Variants in SCUBE1 observed in about 807,000 individuals in gnomAD.
SCUBE1 encodes signal peptide, CUB and EGF-like domain-containing protein 1.
Under a neutral mutation model 124.4 loss-of-function variants are expected in SCUBE1, and 59 were observed. The observed-to-expected ratio is 0.47, with a 90% CI of 0.38 to 0.59. SCUBE1 has a LOEUF of 0.59. Among genes scored for constraint, SCUBE1 ranks in the 20% least tolerant of loss-of-function variants. The probability of loss-of-function intolerance (pLI) is 0.00; values close to 1 mark genes in which losing one functional copy is unlikely to be tolerated. For missense variants in SCUBE1, 1,150 were observed against 1,371.2 expected (o/e 0.84, Z 2.55); for synonymous variants, 545 against 550.9 (o/e 0.99, Z 0.15).
Position 43,231,809 on chromosome 22 carries a change from A to G in SCUBE1, c.911T>C (p.Phe304Ser). Residue 304 changes from phenylalanine to serine, a missense_variant, in exon 8 of 22, where the codon TTC (phenylalanine) becomes TCC (serine). By Grantham distance (155) the Phe-to-Ser change is radical. Transcript: ENST00000360835. ...GTAGCCCTTCCGGCAGCCGCACTCGAAGCTGCCCACGGTGTTGCGGCAGAA... is the reference window on the plus strand; with the variant it reads ...GTAGCCCTTCCGGCAGCCGCACTCGGAGCTGCCCACGGTGTTGCGGCAGAA... ...DHFCRNTVGS[F>S]ECGCRKGYKL... The G allele has an allele frequency of 6.2e-7, 1 of 1,613,100 alleles. No homozygotes were observed. The highest frequency in any genetic ancestry group is 8.5e-7 in the Non-Finnish European group (1 of 1,179,756).
In SCUBE1 at chr22:43,339,091, G is replaced by A. The variant is rs552726975; in HGVS notation, c.220+13C>T. 8.7e-6 allele frequency: 14 copies of A among 1,613,148 alleles called. No homozygotes were observed. The highest frequency in any genetic ancestry group is 1.7e-4 in the Middle Eastern group (1 of 6,056). ...GCCTCAGGGTCTGCCCGGGAGGGCCGGGCTGGACTCACCTTCACACTGCTT... is the reference window on the plus strand; with the variant it reads ...GCCTCAGGGTCTGCCCGGGAGGGCCAGGCTGGACTCACCTTCACACTGCTT... On this transcript the variant is annotated intron_variant, in intron 2 of 21. Transcript: ENST00000360835.
chr22:43,250,462 C>T (rs1201575993), intron 6 of SCUBE1, among the ~76,000 whole-genome samples: 18 of 152,246 alleles, frequency 1.2e-4, no homozygotes. Context: ...GGGCAGTGTT[C>T]CTCTTTGCTC....
In SCUBE1 at chr22:43,281,558, C is replaced by CCTTCTCAGCCACCCTCCTGTCATCT. The variant is rs1569011128; in HGVS notation, c.484+9487_484+9488insAGATGACAGGAGGGTGGCTGAGAAG. On this transcript the variant is annotated intron_variant, in intron 4 of 21. Coordinates refer to ENST00000360835, the MANE Select transcript of SCUBE1 (RefSeq NM_173050.5). ...CCCTCAGTCACCCTCCTGTCACCTCCCCCTCAGCCACCCTCCTGTCACCTC... is the reference window on the plus strand; with the variant it reads ...CCCTCAGTCACCCTCCTGTCACCTCCCTTCTCAGCCACCCTCCTGTCATCTCCCTCAGCCACCCTCCTGTCACCTC... Among the ~76,000 whole-genome samples, 12 of 127,852 alleles carry CCTTCTCAGCCACCCTCCTGTCATCT rather than the reference C, an allele frequency of 9.4e-5. 1 individual carries two copies. The highest frequency in any genetic ancestry group is 2.4e-4 in the African/African-American group (8 of 33,256). The allele number at this position is 127,852 out of a possible 152,430, so 83.9% of individuals were successfully genotyped here.
At chr22:43,288,419 C>T (rs1427044075) in intron 4 of SCUBE1, among the ~76,000 whole-genome samples, 1 of 152,194 alleles carries the variant, frequency 6.6e-6, no homozygotes, top group African/African-American at 2.4e-5. Context: ...CCCACAGCTG[C>T]CCTCCACCCA....
At chr22:43,206,472 G>T (rs1265573258) in intron 21 of SCUBE1, among the ~76,000 whole-genome samples, 1 of 152,134 alleles carries the variant, frequency 6.6e-6, no homozygotes, top group African/African-American at 2.4e-5. Flanking sequence ...GTGGGGGCAG[G>T]GACTAAATAT....
At chr22:43,243,348 A>AGGGCTGGCTG (rs1438490405) in intron 6 of SCUBE1, among the ~76,000 whole-genome samples, 1 of 152,204 alleles carries the variant, frequency 6.6e-6, no homozygotes, top group East Asian at 1.9e-4. Context: ...GGCCAGGCGC[A>AGGGCTGGCTG]GGGCTGGCTG....
At position 43,343,361 on chromosome 22, in the gene SCUBE1, A is replaced by C; in HGVS notation, c.-100T>G. ...GCTGCTCGCTGCTCGCCGCTCCGCC[A>C]CCGCTCGGGCTCCCGAGCCGCCCAG... On this transcript the variant is annotated 5_prime_UTR_variant, in exon 1 of 22. Transcript: ENST00000360835. 2.0e-6 allele frequency: 1 copy of C among 498,986 alleles called. No individual in the cohort carries two copies. Among genetic ancestry groups the C allele is most frequent in the Non-Finnish European group, 2.7e-6 (1 of 375,636 alleles). 30.9% of individuals were successfully genotyped at this position (498,986 alleles called of 1,614,324 possible).
Position 43,320,116 on chromosome 22 carries a change from C to T in SCUBE1, c.221-51G>A, listed in dbSNP as rs142478182. On this transcript the variant is annotated intron_variant, in intron 2 of 21. Coordinates refer to ENST00000360835, the MANE Select transcript of SCUBE1 (RefSeq NM_173050.5). ...GTCAGAAGAAGAGCCTGGTGGTCCC[C>T]TCTCCCAACACCATGGAAGCCACCG... The T allele has an allele frequency of 3.4e-5, 55 of 1,608,808 alleles. No homozygotes were observed. The African/African-American group carries it at 6.9e-4, about 20-fold the overall frequency.
At chr22:43,245,586 TCTAAGG>T (rs1923178420) in intron 6 of SCUBE1, among the ~76,000 whole-genome samples, 1 of 152,142 alleles carries the variant, frequency 6.6e-6, no homozygotes, top group Non-Finnish European at 1.5e-5. Context: ...GCTGCTCGTG[TCTAAGG>T]CTGCGGGGCC....
intron 2 of SCUBE1, among the ~76,000 whole-genome samples, chr22:43,320,729 T>A (rs1389384985): frequency 2.0e-5 from 3 of 152,184 alleles, no homozygotes; most frequent in Non-Finnish European, 4.4e-5. Context: ...ATTAACTCAG[T>A]GATGCAGGCA....
chr22:43,214,507 C>T (rs909733416), intron 15 of SCUBE1, among the ~76,000 whole-genome samples: 3 of 152,224 alleles, frequency 2.0e-5, no homozygotes, highest in Admixed American at 2.0e-4. Context: ...CATCTCCACC[C>T]GCTTATAGAA....
chr22:43,299,610 A>G (rs769427486), intron 3 of SCUBE1, among the ~76,000 whole-genome samples: 1 of 152,080 alleles, frequency 6.6e-6, no homozygotes, highest in African/African-American at 2.4e-5. Flanking sequence ...GACCTCTGCT[A>G]TTTCTCCAAT....
intron 4 of SCUBE1, among the ~76,000 whole-genome samples, chr22:43,285,640 G>T (rs1200153460): frequency 2.0e-5 from 3 of 152,200 alleles, no homozygotes; most frequent in Non-Finnish European, 4.4e-5. Context: ...TACTCTCACA[G>T]GGGACTAAGT....
intron 4 of SCUBE1, among the ~76,000 whole-genome samples, chr22:43,273,198 T>C (rs796883609): frequency 1.3e-5 from 2 of 152,312 alleles, no homozygotes; most frequent in African/African-American, 4.8e-5. Flanking sequence ...GCACGCACTG[T>C]GTACACAGAT....
At chr22:43,237,544 A>G (rs1199100119) in intron 7 of SCUBE1, 1 of 152,246 alleles carries the variant, frequency 6.6e-6, no homozygotes, top group African/African-American at 2.4e-5. Flanking sequence ...CTTGCCTGCC[A>G]GGAACGCACC....
At chr22:43,325,964 T>C (rs1321438915) in intron 2 of SCUBE1, among the ~76,000 whole-genome samples, 1 of 151,800 alleles carries the variant, frequency 6.6e-6, no homozygotes, top group African/African-American at 2.4e-5. Context: ...TAATTCAAAA[T>C]TGATTCTTGC....
chr22:43,307,530 G>A (rs1354295762), intron 3 of SCUBE1, among the ~76,000 whole-genome samples: 1 of 152,168 alleles, frequency 6.6e-6, no homozygotes, highest in Admixed American at 6.5e-5. Flanking sequence ...ACTGTCCCTG[G>A]GGCCAATCAC....
chr22:43,212,364 C>T, intron 17 of SCUBE1, 61 bp downstream of exon 17: 2 of 1,511,962 alleles, frequency 1.3e-6, no homozygotes, highest in Non-Finnish European at 1.8e-6. Context: ...GGGGAAGCCT[C>T]TCGGAGCAGT....
At chr22:43,342,891 G>T (rs1927373718) in intron 1 of SCUBE1, among the ~76,000 whole-genome samples, 1 of 151,570 alleles carries the variant, frequency 6.6e-6, no homozygotes, top group African/African-American at 2.4e-5. Flanking sequence ...GGGTCCCCGG[G>T]AACCGCCGCC....
Sources: allele counts gnomAD v4.1 joint callset (sites outside exome capture counted in the v4.1 genomes callset), GRCh38; gene constraint gnomAD v4.1.1; transcripts MANE v1.5; gene names NCBI Gene and HGNC (gene_info 2026-07-23, HGNC 2026-07-21).